Variants in TMPRSS3 observed in about 807,000 individuals in gnomAD.
The protein encoded by TMPRSS3 is transmembrane serine protease 3, also known as transmembrane protease serine 3.
In TMPRSS3, 55 loss-of-function variants were observed where a neutral mutation model predicts 59.6. The ratio of observed to expected loss-of-function variants is 0.92; its 90% CI spans 0.74 to 1.16. TMPRSS3 has a LOEUF of 1.16. TMPRSS3 is among the 50% of genes most tolerant of loss of function. The pLI is 0.00. For synonymous variants in TMPRSS3, 257 were observed against 237.7 expected (o/e 1.08, Z -0.75); for missense variants, 596 against 579.4 (o/e 1.03, Z -0.29).
chr21:42,396,026 CT>C lies in TMPRSS3; in HGVS notation c.-137del. On this transcript the variant is annotated 5_prime_UTR_variant, in exon 1 of 13. Coordinates refer to ENST00000644384, the MANE Select transcript of TMPRSS3 (RefSeq NM_001256317.3). The stretch of plus-strand genomic sequence containing the variant: ...TTACTGGCTTCCCATAAACACAGCC[CT>C]TTCCTGGCTCACACGGGCATGACCT... The C allele has an allele frequency of 1.9e-6, 1 of 518,980 alleles. No homozygotes were observed. The allele number at this position is 518,980 out of a possible 1,614,324, so 32.1% of individuals were successfully genotyped here. A position where few individuals can be genotyped will look rare whatever the true frequency, so the allele number is the denominator to read the frequency against.
intron 8 of TMPRSS3, chr21:42,382,716 T>G (rs541831070): frequency 3.1e-4 from 142 of 457,440 alleles, no homozygotes; most frequent in African/African-American, 2.3e-3. Flanking sequence ...CATAACATGG[T>G]CCACTGGAAT....
At chr21:42,373,596 C>G (rs1042904603) in intron 12 of TMPRSS3, among the ~76,000 whole-genome samples, 2 of 152,264 alleles carry the variant, frequency 1.3e-5, no homozygotes, top group African/African-American at 4.8e-5. Context: ...GCCCTGCAAT[C>G]TTCACATTTA....
intron 3 of TMPRSS3, 124 bp from the exon 4 acceptor site, chr21:42,389,169 G>T (rs56080951): frequency 6.5e-6 from 10 of 1,533,436 alleles, no homozygotes; most frequent in Admixed American, 1.9e-5. Context: ...TTGAAATTGC[G>T]TCCCTGTCAG....
In TMPRSS3 at chr21:42,382,210, G is replaced by T; in HGVS notation, c.807C>A (p.Thr269=). ...VYDLYLPKSW[T]IQVGLVSLLD... is the part of the protein sequence containing the mutation. ...ACAGGGAAACTAGACCCACCTGGAT[G>T]GTCCATGACTTGGGGAGGTACAAGC... is the stretch of plus-strand genomic sequence containing the variant. Residue 269 remains threonine (T), a synonymous_variant, in exon 9 of 13, where the codon ACC becomes ACA. Transcript: ENST00000644384. 6 of 1,614,176 alleles carry T rather than the reference G, an allele frequency of 3.7e-6. No individual in the cohort carries two copies. Among genetic ancestry groups the T allele is most frequent in the Middle Eastern group, 1.7e-4 (1 of 6,058 alleles).
intron 12 of TMPRSS3, among the ~76,000 whole-genome samples, chr21:42,374,159 T>C (rs2052381397): frequency 6.6e-6 from 1 of 152,202 alleles, no homozygotes; most frequent in East Asian, 1.9e-4. Flanking sequence ...TGGTCCTTTC[T>C]ACAGTGCGGG....
In TMPRSS3 at chr21:42,376,409, T is replaced by A. The variant is rs1008657555; in HGVS notation, c.1191+132A>T. 7 of 1,305,282 alleles carry A rather than the reference T, an allele frequency of 5.4e-6. No homozygotes were observed. In the African/African-American group the frequency reaches 1.0e-4, roughly 19 times the overall value. The allele number at this position is 1,305,282 out of a possible 1,614,324, so 80.9% of individuals were successfully genotyped here. On this transcript the variant is annotated intron_variant, in intron 11 of 12. Transcript: ENST00000644384. ...GGCTGGCAGCCAGGAAAAGGAGTGA[T>A]ATCTTGAGCAAATTTCTTCTCCACG...
intron 5 of TMPRSS3, 133 bp from the exon 6 acceptor site, chr21:42,385,667 G>C (rs902948715): frequency 1.1e-5 from 13 of 1,178,978 alleles, no homozygotes; most frequent in South Asian, 3.7e-5. Flanking sequence ...CCCATCAAAG[G>C]CTTCCTTTGC....
intron 10 of TMPRSS3, 109 bp downstream of exon 10, chr21:42,380,008 T>C: frequency 2.2e-6 from 2 of 900,852 alleles, no homozygotes; most frequent in Non-Finnish European, 3.6e-6. Flanking sequence ...CTGGCCGGGG[T>C]ATCTGGGCAG....
Position 42,376,584 on chromosome 21 carries a change from A to T in TMPRSS3, c.1148T>A (p.Met383Lys), listed in dbSNP as rs749798053. Residue 383 changes from methionine to lysine, a missense_variant, in exon 11 of 13, where the codon ATG (methionine) becomes AAG (lysine). Physicochemically the swap from Met to Lys is moderately conservative, Grantham distance 95. Transcript: ENST00000644384. The stretch of plus-strand genomic sequence containing the variant: ...ACCCGTCAGGTAGCCCGCGCAGAGC[A>T]TGGAGGGGGAGATGATGCCACCGTA... ...DVYGGIISPSMLCAGYLTGGV... is the reference protein window; with the variant it reads ...DVYGGIISPSKLCAGYLTGGV... 5.0e-5 allele frequency: 80 copies of T among 1,613,700 alleles called. No homozygotes were observed. Among genetic ancestry groups the T allele is most frequent in the Non-Finnish European group, 6.6e-5 (78 of 1,179,986 alleles).
chr21:42,376,120 T>C (rs2052424327), intron 11 of TMPRSS3, among the ~76,000 whole-genome samples: 1 of 152,144 alleles, frequency 6.6e-6, no homozygotes, highest in Admixed American at 6.5e-5. Context: ...ATGCAGACCC[T>C]GACCCTCTGA....
chr21:42,395,055 G>T (rs1257609488), intron 2 of TMPRSS3, among the ~76,000 whole-genome samples: 2 of 152,142 alleles, frequency 1.3e-5, no homozygotes, highest in Non-Finnish European at 2.9e-5. Context: ...GGATTGACAG[G>T]ACAATTGTGG....
intron 12 of TMPRSS3, among the ~76,000 whole-genome samples, chr21:42,373,988 A>G (rs950994696): frequency 6.6e-6 from 1 of 152,024 alleles, no homozygotes; most frequent in East Asian, 1.9e-4. Flanking sequence ...GCCCCTGGGG[A>G]TCTGTGTCCC....
At position 42,380,103 on chromosome 21, in the gene TMPRSS3, T is replaced by G. The variant is rs1296980649; in HGVS notation, c.1048+14A>C. 1 of 1,610,840 alleles carries G rather than the reference T, an allele frequency of 6.2e-7. No individual in the cohort carries two copies. The highest frequency in any genetic ancestry group is 1.7e-5 in the Admixed American group (1 of 59,956). On this transcript the variant is annotated intron_variant, in intron 10 of 12. Coordinates refer to ENST00000644384, the MANE Select transcript of TMPRSS3 (RefSeq NM_001256317.3). ...GAGCCCCTGGACTCCGAATCTTGGC[T>G]TCAGCCCACTGACCTCCATCCTCTG...
In TMPRSS3 at chr21:42,371,953, A is replaced by G. The variant is rs1478573660; in HGVS notation, c.*809T>C. Reference sequence around the variant, plus strand: ...TAATACGTCAAGCACCAAATGCTACAAAGAAATCATGAAAATAGGCCTTAA... The same window carrying G: ...TAATACGTCAAGCACCAAATGCTACGAAGAAATCATGAAAATAGGCCTTAA... On this transcript the variant is annotated 3_prime_UTR_variant, in exon 13 of 13. Transcript: ENST00000644384. 2.2e-6 allele frequency: 1 copy of G among 454,582 alleles called. No individual in the cohort carries two copies. The highest frequency in any genetic ancestry group is 2.0e-5 in the African/African-American group (1 of 50,024). The allele number at this position is 454,582 out of a possible 1,614,324, so 28.2% of individuals were successfully genotyped here. A position where few individuals can be genotyped will look rare whatever the true frequency, so the allele number is the denominator to read the frequency against.
intron 3 of TMPRSS3, 96 bp from the exon 4 acceptor site, chr21:42,389,141 T>C: frequency 1.3e-6 from 2 of 1,573,842 alleles, no homozygotes; most frequent in South Asian, 2.3e-5. Flanking sequence ...AGCTGGCCCG[T>C]GAATAATGAA....
chr21:42,382,377 G>C (rs560228563), intron 8 of TMPRSS3, 143 bp from the exon 9 acceptor site: 4 of 760,788 alleles, frequency 5.3e-6, no homozygotes, highest in Admixed American at 4.0e-5. Flanking sequence ...TGTTTATGCT[G>C]TATATGCAAC....
At chr21:42,377,563 G>A (rs1020018232) in intron 10 of TMPRSS3, among the ~76,000 whole-genome samples, 1 of 152,204 alleles carries the variant, frequency 6.6e-6, no homozygotes, top group Admixed American at 6.5e-5. Context: ...ATTTGGGGTC[G>A]TTTGTTGCAA....
At chr21:42,382,886 G>T (rs904786244) in intron 8 of TMPRSS3, 147 bp downstream of exon 8, 2 of 961,818 alleles carry the variant, frequency 2.1e-6, no homozygotes, top group African/African-American at 1.6e-5. Flanking sequence ...CCACAGTGAG[G>T]CTGGAGACTC....
At chr21:42,373,714 C>T (rs2052374043) in intron 12 of TMPRSS3, among the ~76,000 whole-genome samples, 1 of 152,214 alleles carries the variant, frequency 6.6e-6, no homozygotes, top group African/African-American at 2.4e-5. Context: ...GCACACTCTG[C>T]CCTTGTTAGC....
Sources: allele counts gnomAD v4.1 joint callset (sites outside exome capture counted in the v4.1 genomes callset), GRCh38; gene constraint gnomAD v4.1.1; transcripts MANE v1.5; gene names NCBI Gene and HGNC (gene_info 2026-07-23, HGNC 2026-07-21).